The following DYM variants were observed in gnomAD, a reference collection of about 807,000 sequenced individuals.
DYM encodes the protein dymeclin.
A neutral mutation model predicts 93.1 loss-of-function variants in DYM; 78 were observed. That is an observed-to-expected ratio of 0.84 (90% CI 0.70 to 1.01). The LOEUF is 1.01. Ranked by LOEUF, DYM falls within the 50% of genes least tolerant of loss-of-function variation. DYM has a pLI of 0.00. For missense variants in DYM, 789 were observed against 845.0 expected, an observed-to-expected ratio of 0.93 and a Z score of 0.82; for synonymous variants, 321 against 319.7, an observed-to-expected ratio of 1.00 and a Z score of -0.04.
chr18:49,426,456 T>C (rs1376901040), intron 2 of DYM, among the ~76,000 whole-genome samples: 2 of 149,854 alleles, frequency 1.3e-5, no homozygotes, highest in African/African-American at 2.4e-5. Flanking sequence ...AATGACGAGT[T>C]AATGGGTGCA....
chr18:49,295,741 AG>A (rs1489389738), intron 8 of DYM, among the ~76,000 whole-genome samples: 3 of 152,152 alleles, frequency 2.0e-5, no homozygotes, highest in Non-Finnish European at 4.4e-5. Context: ...ATAAAATTCC[AG>A]AATATTATTG....
At chr18:49,063,256 T>A (rs1013692810) in intron 17 of DYM, among the ~76,000 whole-genome samples, 1 of 151,614 alleles carries the variant, frequency 6.6e-6, no homozygotes, top group Non-Finnish European at 1.5e-5. Context: ...GAAGGATGAG[T>A]GAAACCGCAA....
chr18:49,079,416 T>C (rs572570245), intron 17 of DYM, among the ~76,000 whole-genome samples: 208 of 151,948 alleles, frequency 1.4e-3, no homozygotes, highest in Admixed American at 3.5e-3. Context: ...TTTATTTTTA[T>C]TTTTTTTATT....
chr18:49,094,272 T>A (rs973987047), intron 17 of DYM, among the ~76,000 whole-genome samples: 3 of 152,152 alleles, frequency 2.0e-5, no homozygotes, highest in Non-Finnish European at 4.4e-5. Context: ...TTCTGACCCA[T>A]CACCATGACA....
In DYM at chr18:49,242,869, T is replaced by G. The variant is rs192191883; in HGVS notation, c.1460+14141A>C. ...CGCCCGCCACCACGCCCGGCTAATT[T>G]TTTTGTATTTTTAGTAGAGACGGGG... On this transcript the variant is annotated intron_variant, in intron 13 of 17. Coordinates refer to ENST00000675505, the MANE Select transcript of DYM (RefSeq NM_001353214.3). Among the ~76,000 whole-genome samples the G allele has an allele frequency of 6.6e-5, 10 of 152,106 alleles. No individual in the cohort carries two copies. The East Asian group carries it at 1.9e-3, about 29-fold the overall frequency.
Position 49,203,415 on chromosome 18 carries a change from G to A in DYM, c.1625+6136C>T, listed in dbSNP as rs1379762012. On this transcript the variant is annotated intron_variant, in intron 14 of 17. Coordinates refer to ENST00000675505, the MANE Select transcript of DYM (RefSeq NM_001353214.3). ...TGGCGGCTTTGTGGAATAGAAAGGC[G>A]GGAAAGGTGGGGAAAAGATTGAGAA... 6.3e-4 allele frequency among the ~76,000 whole-genome samples: 91 copies of A among 145,160 alleles called. 2 individuals are homozygous for A. Among genetic ancestry groups the A allele is most frequent in the African/African-American group, 2.4e-3 (89 of 37,576 alleles).
chr18:49,202,021 A>G (rs2092029960), intron 14 of DYM, among the ~76,000 whole-genome samples: 1 of 152,204 alleles, frequency 6.6e-6, no homozygotes, highest in African/African-American at 2.4e-5. Context: ...AGAGACTGTT[A>G]GTTGTCCCCA....
intron 16 of DYM, among the ~76,000 whole-genome samples, chr18:49,106,716 G>A (rs893849378): frequency 4.6e-5 from 7 of 152,178 alleles, no homozygotes; most frequent in African/African-American, 1.7e-4. Flanking sequence ...TTTTCTTTAA[G>A]AATGTTGAAT....
chr18:49,332,286 G>A (rs1316837027), intron 7 of DYM, among the ~76,000 whole-genome samples: 2 of 152,134 alleles, frequency 1.3e-5, no homozygotes, highest in Non-Finnish European at 2.9e-5. Context: ...AGGTCTGGTA[G>A]AGACAAGGTC....
chr18:49,353,454 T>C (rs2065286476), intron 6 of DYM, among the ~76,000 whole-genome samples: 1 of 152,024 alleles, frequency 6.6e-6, no homozygotes, highest in African/African-American at 2.4e-5. Flanking sequence ...GAAAGAGAAC[T>C]GAATGAAGGG....
chr18:49,295,412 G>A (rs2060463115), intron 8 of DYM, among the ~76,000 whole-genome samples: 1 of 152,190 alleles, frequency 6.6e-6, no homozygotes, highest in Non-Finnish European at 1.5e-5. Flanking sequence ...AATGGGATAT[G>A]AACGGGAGCA....
intron 15 of DYM, among the ~76,000 whole-genome samples, chr18:49,120,793 T>G (rs903167982): frequency 7.9e-5 from 12 of 152,148 alleles, no homozygotes; most frequent in African/African-American, 2.2e-4. Flanking sequence ...GTATGCCTAT[T>G]TCCATACAAT....
chr18:49,340,071 C>T (rs943336026), intron 6 of DYM, among the ~76,000 whole-genome samples: 7 of 152,166 alleles, frequency 4.6e-5, no homozygotes, highest in Non-Finnish European at 1.0e-4. Context: ...CTGCCTCAGC[C>T]TCTCGAGTAG....
intron 13 of DYM, among the ~76,000 whole-genome samples, chr18:49,245,964 G>A (rs1445687746): frequency 6.6e-6 from 1 of 152,160 alleles, no homozygotes; most frequent in East Asian, 1.9e-4. Context: ...TTGGGGGCTG[G>A]TTCCCCCGAT....
In DYM at chr18:49,289,792, C is replaced by CAT. The variant is rs1309764681; in HGVS notation, c.764-3177_764-3176insAT. On this transcript the variant is annotated intron_variant, in intron 8 of 17. Coordinates refer to ENST00000675505, the MANE Select transcript of DYM (RefSeq NM_001353214.3). ...ATATATACACATATATATATATACA[C>CAT]ACATATATATATATATACACATATA... is the stretch of plus-strand genomic sequence containing the variant. Among the ~76,000 whole-genome samples, 63 of 64,810 alleles carry CAT rather than the reference C, an allele frequency of 9.7e-4. 3 individuals are homozygous for CAT. Among genetic ancestry groups the CAT allele is most frequent in the African/African-American group, 3.5e-3 (60 of 17,330 alleles). The allele number at this position is 64,810 out of a possible 152,430, so 42.5% of individuals were successfully genotyped here.
At chr18:49,418,609 C>G (rs1365971986) in intron 2 of DYM, among the ~76,000 whole-genome samples, 2 of 152,154 alleles carry the variant, frequency 1.3e-5, no homozygotes, top group African/African-American at 4.8e-5. Flanking sequence ...TTGCAGCAAA[C>G]ATCGATTTTT....
intron 16 of DYM, among the ~76,000 whole-genome samples, chr18:49,098,307 T>G (rs565989873): frequency 6.6e-6 from 1 of 152,208 alleles, no homozygotes; most frequent in Non-Finnish European, 1.5e-5. Flanking sequence ...GAGCATTACC[T>G]TTTATGTCTT....
chr18:49,210,046 C>CATGG (rs2092709506), intron 13 of DYM, among the ~76,000 whole-genome samples: 1 of 152,172 alleles, frequency 6.6e-6, no homozygotes, highest in Admixed American at 6.5e-5. Flanking sequence ...AAATCCAGAG[C>CATGG]ATGGATTACA....
chr18:49,362,792 G>C (rs1475092565), intron 6 of DYM, among the ~76,000 whole-genome samples: 1 of 152,144 alleles, frequency 6.6e-6, no homozygotes, highest in Non-Finnish European at 1.5e-5. Flanking sequence ...ATACAATCAG[G>C]AAGTCAGGAA....
Sources: gnomAD v4.1 joint callset for allele counts (sites outside exome capture counted in the v4.1 genomes callset) on GRCh38, gnomAD v4.1.1 for gene constraint, MANE v1.5 for transcripts, NCBI Gene and HGNC (gene_info 2026-07-23, HGNC 2026-07-21) for gene names.